The following CDK5RAP2 variants were observed in gnomAD, a reference collection of about 807,000 sequenced individuals.
CDK5RAP2 encodes CDK5 regulatory subunit associated protein 2.
CDK5RAP2 carries 147 observed loss-of-function variants against 232.9 expected under a neutral mutation model. That is an observed-to-expected ratio of 0.63 (90% CI 0.55 to 0.72). The LOEUF is 0.72. Ranked by LOEUF, CDK5RAP2 falls within the 30% of genes least tolerant of loss-of-function variation. The pLI is 0.00. For missense variants in CDK5RAP2, 2,195 were observed against 2,231.5 expected, an observed-to-expected ratio of 0.98 and a Z score of 0.33; for synonymous variants, 833 against 833.7, an observed-to-expected ratio of 1.00 and a Z score of 0.01.
chr9:120,419,661 C>A (rs2034447930), intron 27 of CDK5RAP2, 127 bp downstream of exon 27: 1 of 785,400 alleles, frequency 1.3e-6, no homozygotes. Context: ...CCAGCATTGG[C>A]CCTAATGGGA....
intron 34 of CDK5RAP2, among the ~76,000 whole-genome samples, chr9:120,401,915 A>C (rs2033051952): frequency 6.6e-6 from 1 of 151,964 alleles, no homozygotes; most frequent in Admixed American, 6.6e-5. Flanking sequence ...GCCCAAGAGG[A>C]GGAGGCTGCA....
chr9:120,456,805 T>C (rs1383639874), intron 20 of CDK5RAP2, among the ~76,000 whole-genome samples: 1 of 152,198 alleles, frequency 6.6e-6, no homozygotes, highest in African/African-American at 2.4e-5. Flanking sequence ...GGAAAAATAC[T>C]TTACAAATGG....
intron 3 of CDK5RAP2, among the ~76,000 whole-genome samples, chr9:120,556,701 T>C (rs2042242201): frequency 6.6e-6 from 1 of 152,204 alleles, no homozygotes; most frequent in South Asian, 2.1e-4. Context: ...CGTGCTGGGA[T>C]TACAGGTGTG....
rs1429029371 is a variant in CDK5RAP2, at chr9:120,579,948, T to C, written c.31A>G (p.Thr11Ala). 2 of 1,613,232 alleles carry C rather than the reference T, an allele frequency of 1.2e-6. No homozygotes were observed. The highest frequency in any genetic ancestry group is 2.7e-5 in the African/African-American group (2 of 75,044). Residue 11 changes from threonine (T) to alanine (A), a missense_variant, in exon 1 of 38, where the codon ACC becomes GCC. Coordinates refer to ENST00000349780, the MANE Select transcript of CDK5RAP2 (RefSeq NM_018249.6). ...CAGCCGCTGAGCGTCCCAGGGACGGTGACGTCCTCTTCCAACACCAAGTCC... is the reference window on the plus strand; with the variant it reads ...CAGCCGCTGAGCGTCCCAGGGACGGCGACGTCCTCTTCCAACACCAAGTCC... The part of the protein sequence containing the change: MMDLVLEEDV[T>A]VPGTLSGCSG...
intron 3 of CDK5RAP2, among the ~76,000 whole-genome samples, chr9:120,557,171 A>G (rs1380277019): frequency 6.6e-6 from 1 of 152,182 alleles, no homozygotes; most frequent in East Asian, 1.9e-4. Flanking sequence ...AAATGAATAA[A>G]ATGAAATACA....
chr9:120,551,502 G>A (rs1200048278), intron 3 of CDK5RAP2, among the ~76,000 whole-genome samples: 1 of 152,154 alleles, frequency 6.6e-6, no homozygotes, highest in Non-Finnish European at 1.5e-5. Context: ...TTTTCCTCCT[G>A]AAATAAATCA....
At chr9:120,579,188 T>G (rs991293039) in intron 1 of CDK5RAP2, among the ~76,000 whole-genome samples, 2 of 152,192 alleles carry the variant, frequency 1.3e-5, no homozygotes, top group Admixed American at 1.3e-4. Flanking sequence ...CTGATTCATA[T>G]CACCTTTGAT....
intron 12 of CDK5RAP2, among the ~76,000 whole-genome samples, chr9:120,509,415 C>T (rs890674465): frequency 1.3e-5 from 2 of 152,180 alleles, no homozygotes; most frequent in African/African-American, 4.8e-5. Flanking sequence ...CCAGGAACCA[C>T]GGTAGGCATT....
At chr9:120,513,685 A>G (rs2131806064) in intron 12 of CDK5RAP2, among the ~76,000 whole-genome samples, 1 of 152,264 alleles carries the variant, frequency 6.6e-6, no homozygotes, top group Admixed American at 6.5e-5. Context: ...TTGTTTCTTC[A>G]TGTCTCTATT....
At chr9:120,422,271 G>T (rs1010356884) in intron 26 of CDK5RAP2, among the ~76,000 whole-genome samples, 12 of 152,200 alleles carry the variant, frequency 7.9e-5, no homozygotes, top group African/African-American at 2.9e-4. Context: ...CTATGGTGTG[G>T]AGAATAATAC....
chr9:120,568,493 A>G, intron 2 of CDK5RAP2, 105 bp from the exon 3 acceptor site: 4 of 832,096 alleles, frequency 4.8e-6, no homozygotes, highest in Non-Finnish European at 8.5e-6. Flanking sequence ...CTGCTTCCAC[A>G]GTACACGCGG....
intron 35 of CDK5RAP2, among the ~76,000 whole-genome samples, chr9:120,396,523 T>C (rs964545735): frequency 1.3e-5 from 2 of 152,228 alleles, no homozygotes; most frequent in African/African-American, 4.8e-5. Flanking sequence ...TTCCAGGAAG[T>C]TGACCTGGCA....
In CDK5RAP2 at chr9:120,579,737, G is replaced by T. The variant is rs539057890; in HGVS notation, c.59+183C>A. 5.9e-5 allele frequency among the ~76,000 whole-genome samples: 9 copies of T among 152,306 alleles called. No individual in the cohort carries two copies. The South Asian group carries it at 1.9e-3, about 32-fold the overall frequency. ...TACTGGCAATTGTGGTGCAGGTCGC[G>T]GCTCCCAGCCCTCCAGAGTGTCAGG... On this transcript the variant is annotated intron_variant, in intron 1 of 37. Transcript: ENST00000349780.
At chr9:120,494,306 T>C (rs1362358951) in intron 12 of CDK5RAP2, among the ~76,000 whole-genome samples, 1 of 152,218 alleles carries the variant, frequency 6.6e-6, no homozygotes, top group Admixed American at 6.5e-5. Flanking sequence ...ATCATTCACA[T>C]CTTGGTTTCT....
At chr9:120,406,844 G>A in intron 32 of CDK5RAP2, 168 bp downstream of exon 32, 1 of 614,840 alleles carries the variant, frequency 1.6e-6, no homozygotes, top group East Asian at 2.7e-5. Flanking sequence ...TGCCCAAGGT[G>A]ACCGCTAATT....
chr9:120,533,088 T>C (rs913457338), intron 7 of CDK5RAP2, among the ~76,000 whole-genome samples: 3 of 152,082 alleles, frequency 2.0e-5, no homozygotes, highest in African/African-American at 7.2e-5. Flanking sequence ...GCCCTCCCCA[T>C]TCCACGCCCA....
At position 120,547,828 on chromosome 9, in the gene CDK5RAP2, C is replaced by T. The variant is rs557345790; in HGVS notation, c.307-2038G>A. ...GGCTCCTCACTTACTCACTCCTTCA[C>T]GTCACAGAAACTTACCAAGCACCTG... is the stretch of plus-strand genomic sequence containing the variant. On this transcript the variant is annotated intron_variant, in intron 4 of 37. Transcript: ENST00000349780. Among the ~76,000 whole-genome samples the T allele has an allele frequency of 1.8e-4, 27 of 152,328 alleles. 1 individual carries two copies. In the South Asian group the frequency reaches 3.1e-3, roughly 18 times the overall value.
chr9:120,538,150 A>G (rs1016757764), intron 6 of CDK5RAP2, among the ~76,000 whole-genome samples: 1 of 152,246 alleles, frequency 6.6e-6, no homozygotes, highest in African/African-American at 2.4e-5. Flanking sequence ...TGTTTAAAAC[A>G]CAGGTATTTT....
At chr9:120,571,882 G>T in intron 2 of CDK5RAP2, 92 bp downstream of exon 2, 1 of 1,006,056 alleles carries the variant, frequency 9.9e-7, no homozygotes, top group Non-Finnish European at 1.6e-6. Context: ...AAGCCTCTGG[G>T]CCCCAGAGAT....
Sources: gnomAD v4.1 joint callset for allele counts (sites outside exome capture counted in the v4.1 genomes callset) on GRCh38, gnomAD v4.1.1 for gene constraint, MANE v1.5 for transcripts, NCBI Gene and HGNC (gene_info 2026-07-23, HGNC 2026-07-21) for gene names.